PRKCA: variants seen among roughly 807,000 people sequenced by gnomAD.
PRKCA encodes protein kinase C alpha, also known as protein kinase C alpha type.
PRKCA carries 27 observed loss-of-function variants against 87.0 expected under a neutral mutation model. The observed-to-expected ratio is 0.31, with a 90% CI of 0.23 to 0.43. PRKCA has a LOEUF of 0.43. Among genes scored for constraint, PRKCA ranks in the 20% least tolerant of loss-of-function variants. PRKCA has a pLI of 1.00. For missense variants in PRKCA, 518 were observed against 852.3 expected, an observed-to-expected ratio of 0.61 and a Z score of 4.88; for synonymous variants, 329 against 311.1, an observed-to-expected ratio of 1.06 and a Z score of -0.61.
At chr17:66,438,461 C>T (rs900209046) in intron 2 of PRKCA, among the ~76,000 whole-genome samples, 1 of 151,936 alleles carries the variant, frequency 6.6e-6, no homozygotes, top group African/African-American at 2.4e-5. Flanking sequence ...ATAAAAAGCT[C>T]GAATAATGGA....
chr17:66,751,343 A>G lies in PRKCA; in HGVS notation c.1524+8583A>G, dbSNP rs1375681501. On this transcript the variant is annotated intron_variant, in intron 13 of 16. Coordinates refer to ENST00000413366, the MANE Select transcript of PRKCA (RefSeq NM_002737.3). ...GACGGGACCTGCTCAGGGCTCACAGATGGCACATGGCAGGGGCAGAATGCT... is the reference window on the plus strand; with the variant it reads ...GACGGGACCTGCTCAGGGCTCACAGGTGGCACATGGCAGGGGCAGAATGCT... Among the ~76,000 whole-genome samples, 4 of 152,200 alleles carry G rather than the reference A, an allele frequency of 2.6e-5. No homozygotes were observed. The East Asian group carries it at 7.7e-4, about 29-fold the overall frequency.
chr17:66,370,387 A>G (rs890451620), intron 2 of PRKCA, among the ~76,000 whole-genome samples: 1 of 151,722 alleles, frequency 6.6e-6, no homozygotes. Flanking sequence ...GCACACCACC[A>G]TAGCTGGCTA....
chr17:66,705,343 G>A (rs1973165062), intron 8 of PRKCA, among the ~76,000 whole-genome samples: 2 of 152,184 alleles, frequency 1.3e-5, no homozygotes, highest in Non-Finnish European at 2.9e-5. Context: ...GCATTCAGCT[G>A]AGCAGACCCA....
At chr17:66,602,730 A>G (rs943896772) in intron 3 of PRKCA, among the ~76,000 whole-genome samples, 1 of 152,096 alleles carries the variant, frequency 6.6e-6, no homozygotes, top group Non-Finnish European at 1.5e-5. Flanking sequence ...CTCAGGTTTC[A>G]CGGGTGGCCT....
At chr17:66,389,651 C>T (rs1221740516) in intron 2 of PRKCA, among the ~76,000 whole-genome samples, 3 of 152,292 alleles carry the variant, frequency 2.0e-5, no homozygotes, top group South Asian at 2.1e-4. Flanking sequence ...GCATGCCCAT[C>T]GTGCTCTGTG....
At chr17:66,418,225 C>T (rs1478079293) in intron 2 of PRKCA, among the ~76,000 whole-genome samples, 2 of 152,078 alleles carry the variant, frequency 1.3e-5, no homozygotes, top group South Asian at 2.1e-4. Flanking sequence ...AAACTGCCTA[C>T]TTGTGTGTGT....
At chr17:66,800,119 C>T (rs1413958659) in intron 16 of PRKCA, among the ~76,000 whole-genome samples, 10 of 152,178 alleles carry the variant, frequency 6.6e-5, no homozygotes, top group Non-Finnish European at 1.5e-4. Flanking sequence ...TTCTACTGTT[C>T]GCCCTCGGCC....
intron 3 of PRKCA, among the ~76,000 whole-genome samples, chr17:66,551,548 A>G (rs1968332145): frequency 6.6e-6 from 1 of 152,334 alleles, no homozygotes; most frequent in East Asian, 1.9e-4. Context: ...GCCAGACGAA[A>G]TCAGTCTTAT....
intron 5 of PRKCA, among the ~76,000 whole-genome samples, chr17:66,650,402 ACT>A (rs777519905): frequency 1.3e-5 from 2 of 151,082 alleles, no homozygotes; most frequent in Non-Finnish European, 2.9e-5. Flanking sequence ...GGTTTTCTAC[ACT>A]CTAGTGTGTT....
At chr17:66,587,186 C>G (rs960629718) in intron 3 of PRKCA, among the ~76,000 whole-genome samples, 1 of 152,136 alleles carries the variant, frequency 6.6e-6, no homozygotes, top group Non-Finnish European at 1.5e-5. Flanking sequence ...GTTCTATGAA[C>G]ATTTCTTTCT....
intron 2 of PRKCA, among the ~76,000 whole-genome samples, chr17:66,312,606 G>A (rs564593667): frequency 6.6e-6 from 1 of 151,852 alleles, no homozygotes; most frequent in Non-Finnish European, 1.5e-5. Context: ...GAAAGTGCTT[G>A]TTTCAATTCT....
At position 66,346,560 on chromosome 17, in the gene PRKCA, G is replaced by A. The variant is rs566490158; in HGVS notation, c.205+40433G>A. Among the ~76,000 whole-genome samples the A allele has an allele frequency of 2.6e-5, 4 of 152,150 alleles. No homozygotes were observed. In the South Asian group the frequency reaches 8.3e-4, roughly 32 times the overall value. ...GTGCCTGGCTGTTGGGTGGATTTTA[G>A]TATGAAAACTACAGATCCTAAGAGA... On this transcript the variant is annotated intron_variant, in intron 2 of 16. Coordinates refer to ENST00000413366, the MANE Select transcript of PRKCA (RefSeq NM_002737.3).
Position 66,568,304 on chromosome 17 carries a change from ACT to A in PRKCA, c.288+72024_288+72025del, listed in dbSNP as rs1404064835. 2.6e-5 allele frequency among the ~76,000 whole-genome samples: 4 copies of A among 152,022 alleles called. No homozygotes were observed. In the East Asian group the frequency reaches 5.8e-4, roughly 22 times the overall value. ...ACTCCAGCCTAGACGACAGAATAAG[ACT>A]CTGTCTCAAAAAACCCCCAAAAAAT... On this transcript the variant is annotated intron_variant, in intron 3 of 16. Transcript: ENST00000413366.
At chr17:66,727,281 C>T (rs1234308840) in intron 8 of PRKCA, among the ~76,000 whole-genome samples, 2 of 152,192 alleles carry the variant, frequency 1.3e-5, no homozygotes, top group African/African-American at 2.4e-5. Flanking sequence ...GAGAGAGTGG[C>T]GTGCAAGGGG....
At chr17:66,374,510 C>T (rs1401800697) in intron 2 of PRKCA, among the ~76,000 whole-genome samples, 1 of 152,116 alleles carries the variant, frequency 6.6e-6, no homozygotes, top group Non-Finnish European at 1.5e-5. Context: ...TGGAGACTTG[C>T]TATCTGATTT....
rs190613795 is a variant in PRKCA at position 66,616,609 on chromosome 17, G to A, written c.289-24746G>A. Among the ~76,000 whole-genome samples the A allele has an allele frequency of 6.5e-3, 995 of 152,292 alleles. 31 individuals are homozygous for A. Among genetic ancestry groups the A allele is most frequent in the Admixed American group, 0.054 (831 of 15,290 alleles). On this transcript the variant is annotated intron_variant, in intron 3 of 16. Coordinates refer to ENST00000413366, the MANE Select transcript of PRKCA (RefSeq NM_002737.3). ...CCATGCAGACTGAGGTTGGAGCTGC[G>A]TGCACAGGGTTATCTGCCCCCAGCT...
chr17:66,316,983 A>G (rs908393568), intron 2 of PRKCA, among the ~76,000 whole-genome samples: 5 of 152,102 alleles, frequency 3.3e-5, no homozygotes, highest in Non-Finnish European at 7.4e-5. Context: ...TCTACTAAAA[A>G]TACAAAAAAT....
intron 13 of PRKCA, among the ~76,000 whole-genome samples, chr17:66,758,918 A>G (rs1338054230): frequency 6.6e-6 from 1 of 152,226 alleles, no homozygotes; most frequent in African/African-American, 2.4e-5. Context: ...TTTCAAAATA[A>G]TAACATATTC....
At chr17:66,503,373 G>A (rs1028108353) in intron 3 of PRKCA, among the ~76,000 whole-genome samples, 3 of 152,022 alleles carry the variant, frequency 2.0e-5, no homozygotes, top group Non-Finnish European at 2.9e-5. Flanking sequence ...CATGTATACC[G>A]GTGACGTCAC....
Sources: gnomAD v4.1 joint callset for allele counts (sites outside exome capture counted in the v4.1 genomes callset) on GRCh38, gnomAD v4.1.1 for gene constraint, MANE v1.5 for transcripts, NCBI Gene and HGNC (gene_info 2026-07-23, HGNC 2026-07-21) for gene names.